KCNMB3: variants seen among roughly 807,000 people sequenced by gnomAD.
KCNMB3 encodes the protein calcium-activated potassium channel subunit beta-3.
A neutral mutation model predicts 11.9 loss-of-function variants in KCNMB3; 18 were observed. That is an observed-to-expected ratio of 1.51 (90% CI 1.04 to 2.23). The LOEUF is 2.23. Among genes scored for constraint, KCNMB3 ranks in the 30% most tolerant of loss-of-function variants. The pLI, the probability that KCNMB3 is intolerant of heterozygous loss-of-function variation, is 0.00. For synonymous variants in KCNMB3, 78 were observed against 119.2 expected (o/e 0.65, Z 2.25); for missense variants, 247 against 329.4 (o/e 0.75, Z 1.94).
At chr3:179,244,784 C>A in intron 1 of KCNMB3, 91 bp from the exon 2 acceptor site, 1 of 1,104,140 alleles carries the variant, frequency 9.1e-7, no homozygotes, top group Non-Finnish European at 1.3e-6. Flanking sequence ...ACACAATGCC[C>A]AAGGCATTTG....
chr3:179,240,302 GATGA>G (rs1169094822), downstream of KCNMB3: 2 of 443,940 alleles, frequency 4.5e-6, no homozygotes, highest in African/African-American at 2.0e-5. Flanking sequence ...CCAGTAAAGT[GATGA>G]ATATTAAAGG....
intron 1 of KCNMB3, among the ~76,000 whole-genome samples, chr3:179,263,369 G>A (rs904482547): frequency 4.6e-5 from 7 of 152,194 alleles, no homozygotes; most frequent in Non-Finnish European, 7.4e-5. Flanking sequence ...CGCACAGCCC[G>A]GGTTCCCGCC....
chr3:179,258,356 A>T (rs950853365), intron 1 of KCNMB3, among the ~76,000 whole-genome samples: 11 of 152,368 alleles, frequency 7.2e-5, no homozygotes, highest in Admixed American at 5.2e-4. Flanking sequence ...ATCAACAATG[A>T]GATCCAAAAG....
upstream of KCNMB3, among the ~76,000 whole-genome samples, chr3:179,253,366 C>A (rs1189741442): frequency 6.6e-6 from 1 of 152,192 alleles, no homozygotes; most frequent in Non-Finnish European, 1.5e-5. Context: ...CCTGTACTGT[C>A]CTAGACAAGA....
intron 1 of KCNMB3, among the ~76,000 whole-genome samples, chr3:179,262,566 G>C (rs1441861668): frequency 6.6e-6 from 1 of 152,236 alleles, no homozygotes; most frequent in South Asian, 2.1e-4. Context: ...ACCTGAGCAG[G>C]TTGCCACTGC....
upstream of KCNMB3, among the ~76,000 whole-genome samples, chr3:179,253,995 T>C (rs1366524250): frequency 6.6e-6 from 1 of 152,070 alleles, no homozygotes; most frequent in African/African-American, 2.4e-5. Context: ...AGACAAAAAC[T>C]ATGTGAAAGT....
intron 1 of KCNMB3, chr3:179,260,166 G>C: frequency 6.2e-7 from 1 of 1,611,614 alleles, no homozygotes; most frequent in South Asian, 1.1e-5. Context: ...AGTCACCGCT[G>C]CCTCTCCCAC....
intron 1 of KCNMB3, chr3:179,266,597 T>C: frequency 2.5e-6 from 4 of 1,606,944 alleles, no homozygotes; most frequent in Middle Eastern, 1.7e-4. Flanking sequence ...TTCTTGCAAC[T>C]GCTTGTTCAG....
chr3:179,261,007 T>C (rs1576964202), intron 1 of KCNMB3: 1 of 969,120 alleles, frequency 1.0e-6, no homozygotes, highest in South Asian at 1.3e-5. Flanking sequence ...TAGAGGTGTC[T>C]CCGCTGCCTC....
At chr3:179,245,281 C>T (rs1725597077) in intron 1 of KCNMB3, among the ~76,000 whole-genome samples, 1 of 151,926 alleles carries the variant, frequency 6.6e-6, no homozygotes, top group African/African-American at 2.4e-5. Flanking sequence ...GTCAACATAG[C>T]CTACACAATT....
At chr3:179,247,340 CAT>C (rs34820544) in intron 1 of KCNMB3, among the ~76,000 whole-genome samples, 88 of 147,074 alleles carry the variant, frequency 6.0e-4, no homozygotes, top group Non-Finnish European at 5.6e-4. Context: ...ACATGTAATG[CAT>C]ATATATATAT....
chr3:179,243,532 G>A (rs527646820), intron 2 of KCNMB3, among the ~76,000 whole-genome samples: 4 of 152,114 alleles, frequency 2.6e-5, no homozygotes, highest in South Asian at 4.2e-4. Flanking sequence ...AGGAGAGTCA[G>A]TGACCAACTT....
intron 1 of KCNMB3, chr3:179,259,592 T>C (rs1726133908): frequency 6.2e-7 from 1 of 1,608,366 alleles, no homozygotes; most frequent in African/African-American, 1.3e-5. Flanking sequence ...CTTCCACTGC[T>C]GACTTTCTGT....
At chr3:179,261,492 G>A (rs1726210624) in intron 1 of KCNMB3, among the ~76,000 whole-genome samples, 1 of 151,724 alleles carries the variant, frequency 6.6e-6, no homozygotes, top group Non-Finnish European at 1.5e-5. Context: ...GGGCGTAGGT[G>A]GCCGCGGGCT....
chr3:179,259,124 C>T, intron 1 of KCNMB3: 1 of 1,581,680 alleles, frequency 6.3e-7, no homozygotes, highest in Non-Finnish European at 8.6e-7. Flanking sequence ...CTGGTGCCAA[C>T]AAGTCATGGT....
chr3:179,242,915 C>T lies in KCNMB3; in HGVS notation c.817G>A (p.Glu273Lys). Reference protein sequence around the residue: ...CIMRRSKGRAEKS With the variant: ...CIMRRSKGRAKKS ...ATTTGGCCACCGTCTTAAGATTTCT[C>T]TGCTCTTCCTTTGCTCCTCCTCATA... The change falls in exon 3 of 3, where the codon GAG (glutamate) becomes AAG (lysine). Residue 273 changes from glutamate to lysine, a missense_variant. By Grantham distance (56) the Glu-to-Lys change is moderately conservative. This residue lies in a region of KCNMB3 where 87 missense variants were observed against 171.9 expected (regional missense o/e 0.51). Transcript: ENST00000392685. 1 of 1,596,496 alleles carries T rather than the reference C, an allele frequency of 6.3e-7. No individual in the cohort carries two copies.
At chr3:179,247,759 C>T (rs1725694110) in intron 1 of KCNMB3, among the ~76,000 whole-genome samples, 1 of 152,122 alleles carries the variant, frequency 6.6e-6, no homozygotes. Flanking sequence ...GCACTGTGTG[C>T]TATAGTAAAT....
intron 1 of KCNMB3, among the ~76,000 whole-genome samples, chr3:179,264,902 TACA>T (rs1282638579): frequency 6.6e-6 from 1 of 152,238 alleles, no homozygotes; most frequent in Non-Finnish European, 1.5e-5. Flanking sequence ...ATTTTTTAAT[TACA>T]ACATTATTTA....
chr3:179,266,224 C>A (rs1726366143), intron 1 of KCNMB3, among the ~76,000 whole-genome samples: 2 of 151,290 alleles, frequency 1.3e-5, no homozygotes, highest in African/African-American at 4.9e-5. Flanking sequence ...CCAATGGGAC[C>A]TGCCCAGTCA....
Sources: allele counts gnomAD v4.1 joint callset (sites outside exome capture counted in the v4.1 genomes callset), GRCh38; gene constraint gnomAD v4.1.1; regional missense constraint gnomAD v4.1.1; transcripts MANE v1.5; gene names NCBI Gene and HGNC (gene_info 2026-07-23, HGNC 2026-07-21).